The following PTPRD variants were observed in gnomAD, a reference collection of about 807,000 sequenced individuals.
PTPRD encodes protein tyrosine phosphatase receptor type D, also known as receptor-type tyrosine-protein phosphatase delta.
Under a neutral mutation model 214.5 loss-of-function variants are expected in PTPRD, and 34 were observed. The ratio of observed to expected loss-of-function variants is 0.16; its 90% confidence interval spans 0.12 to 0.21. The LOEUF (loss-of-function observed/expected upper bound fraction) is 0.21. Ranked by LOEUF, PTPRD falls within the 10% of genes least tolerant of loss-of-function variation. PTPRD has a pLI of 1.00. For missense variants in PTPRD, 2,545 were observed against 2,398.7 expected (o/e 1.06, Z -1.27); for synonymous variants, 1,128 against 845.7 (o/e 1.33, Z -5.79).
intron 14 of PTPRD, among the ~76,000 whole-genome samples, chr9:8,581,722 G>A (rs113415356): frequency 3.2e-3 from 491 of 151,306 alleles, no homozygotes; most frequent in African/African-American, 0.011. Flanking sequence ...ACTCTAGCCC[G>A]GACGACAGAG....
intron 2 of PTPRD, among the ~76,000 whole-genome samples, chr9:10,584,304 A>C (rs938204097): frequency 1.3e-5 from 2 of 152,320 alleles, no homozygotes; most frequent in Admixed American, 6.5e-5. Flanking sequence ...ATCTATCAAA[A>C]TACAGCTTAG....
At chr9:10,214,185 C>T (rs1376797031) in intron 3 of PTPRD, among the ~76,000 whole-genome samples, 2 of 152,062 alleles carry the variant, frequency 1.3e-5, no homozygotes, top group East Asian at 3.9e-4. Context: ...GGAAATTATA[C>T]TGTTAAAGGC....
chr9:8,642,504 T>G (rs2096598669), intron 12 of PTPRD, among the ~76,000 whole-genome samples: 1 of 152,192 alleles, frequency 6.6e-6, no homozygotes, highest in African/African-American at 2.4e-5. Flanking sequence ...ATCTGCTTCC[T>G]CCTTAAAAAG....
At chr9:9,112,523 G>A (rs1004494346) in intron 10 of PTPRD, among the ~76,000 whole-genome samples, 1 of 152,156 alleles carries the variant, frequency 6.6e-6, no homozygotes, top group Non-Finnish European at 1.5e-5. Flanking sequence ...TTTCTTAGAA[G>A]TCAATGCTTG....
At chr9:8,909,885 A>G (rs529607695) in intron 11 of PTPRD, among the ~76,000 whole-genome samples, 90 of 151,282 alleles carry the variant, frequency 5.9e-4, no homozygotes, top group Middle Eastern at 3.4e-3. Context: ...AAAAAAAGAA[A>G]GAAAAAGAAA....
At position 10,461,995 on chromosome 9, in the gene PTPRD, G is replaced by A. The variant is rs2098962464; in HGVS notation, c.-599-120978C>T. On this transcript the variant is annotated intron_variant, in intron 2 of 45. Transcript: ENST00000381196. Reference sequence around the variant, plus strand: ...GGAAAATAAAATACTGGTTACCAGGGTCAGGCTGTGGGAGGCAGAAGCTAT... The same window carrying A: ...GGAAAATAAAATACTGGTTACCAGGATCAGGCTGTGGGAGGCAGAAGCTAT... 1.3e-5 allele frequency among the ~76,000 whole-genome samples: 2 copies of A among 152,112 alleles called. 1 individual carries two copies. The highest frequency in any genetic ancestry group is 2.9e-5 in the Non-Finnish European group (2 of 68,026).
At chr9:9,783,516 G>A (rs1193366502) in intron 5 of PTPRD, among the ~76,000 whole-genome samples, 1 of 152,074 alleles carries the variant, frequency 6.6e-6, no homozygotes, top group Non-Finnish European at 1.5e-5. Context: ...GGAATACTGA[G>A]GAATAGCCAC....
At chr9:9,826,642 G>A (rs963947391) in intron 5 of PTPRD, among the ~76,000 whole-genome samples, 2 of 151,926 alleles carry the variant, frequency 1.3e-5, no homozygotes, top group African/African-American at 4.8e-5. Flanking sequence ...GTCCTTAGTA[G>A]TGATATTCTC....
intron 39 of PTPRD, among the ~76,000 whole-genome samples, chr9:8,372,291 C>G (rs1419821655): frequency 1.3e-5 from 2 of 151,876 alleles, no homozygotes; most frequent in Non-Finnish European, 2.9e-5. Flanking sequence ...TCTCAGAGTT[C>G]TAAATATACA....
At chr9:10,523,590 T>C (rs2053117382) in intron 2 of PTPRD, among the ~76,000 whole-genome samples, 1 of 131,142 alleles carries the variant, frequency 7.6e-6, no homozygotes, top group Admixed American at 7.8e-5. Context: ...ATTTTTCAAG[T>C]ATATTTATCT....
At chr9:9,615,297 C>T (rs1037029328) in intron 7 of PTPRD, among the ~76,000 whole-genome samples, 3 of 152,142 alleles carry the variant, frequency 2.0e-5, no homozygotes, top group African/African-American at 7.2e-5. Context: ...ACCTGGACTA[C>T]CTTGCACTTC....
At chr9:9,703,746 C>T (rs1436485861) in intron 7 of PTPRD, among the ~76,000 whole-genome samples, 1 of 151,992 alleles carries the variant, frequency 6.6e-6, no homozygotes, top group Non-Finnish European at 1.5e-5. Context: ...TTAATTTGCT[C>T]TTAGAAATCA....
intron 11 of PTPRD, among the ~76,000 whole-genome samples, chr9:8,736,671 G>T (rs529026284): frequency 2.6e-5 from 4 of 151,720 alleles, no homozygotes; most frequent in African/African-American, 9.7e-5. Context: ...AAAAGGAGAG[G>T]AATCACTCTA....
At chr9:8,730,407 G>A (rs187560848) in intron 12 of PTPRD, among the ~76,000 whole-genome samples, 1 of 152,286 alleles carries the variant, frequency 6.6e-6, no homozygotes, top group East Asian at 1.9e-4. Context: ...TAAACCATCT[G>A]AGGAATTAAA....
rs563594081 is a variant in PTPRD at position 9,389,471 on chromosome 9, T to C, written c.-203+7978A>G. ...GTTGTGGTGAGCTGAGATCGTGCCA[T>C]TGCACTCCAGCTTGGGCCATTCCAA... On this transcript the variant is annotated intron_variant, in intron 9 of 45. Coordinates refer to ENST00000381196, the MANE Select transcript of PTPRD (RefSeq NM_002839.4). Among the ~76,000 whole-genome samples, 16 of 152,218 alleles carry C rather than the reference T, an allele frequency of 1.1e-4. No individual in the cohort carries two copies. In the South Asian group the frequency reaches 3.3e-3, roughly 32 times the overall value.
intron 39 of PTPRD, among the ~76,000 whole-genome samples, chr9:8,373,884 AT>A (rs2082368073): frequency 4.0e-5 from 4 of 100,586 alleles, no homozygotes; most frequent in African/African-American, 1.8e-4. Flanking sequence ...CTATCTATCT[AT>A]CTATCTATCT....
chr9:8,825,044 G>C (rs556906302), intron 11 of PTPRD, among the ~76,000 whole-genome samples: 1 of 152,224 alleles, frequency 6.6e-6, no homozygotes, highest in African/African-American at 2.4e-5. Flanking sequence ...TTTCATAGAA[G>C]GAATTTTAGA....
chr9:9,855,854 C>G (rs1281137537), intron 5 of PTPRD, among the ~76,000 whole-genome samples: 3 of 152,172 alleles, frequency 2.0e-5, no homozygotes, highest in Non-Finnish European at 4.4e-5. Flanking sequence ...AGTCCATGGA[C>G]GGCTTTAAGC....
chr9:9,245,129 A>G, intron 9 of PTPRD, among the ~76,000 whole-genome samples: 1 of 152,202 alleles, frequency 6.6e-6, no homozygotes. Flanking sequence ...TTAAAATGTC[A>G]GGTAACAACA....
Sources: gnomAD v4.1 joint callset for allele counts (sites outside exome capture counted in the v4.1 genomes callset) on GRCh38, gnomAD v4.1.1 for gene constraint, MANE v1.5 for transcripts, NCBI Gene and HGNC (gene_info 2026-07-23, HGNC 2026-07-21) for gene names.